CYLD: variants seen among roughly 807,000 people sequenced by gnomAD.
CYLD encodes CYLD lysine 63 deubiquitinase, also known as ubiquitin carboxyl-terminal hydrolase CYLD.
A neutral mutation model predicts 104.5 loss-of-function variants in CYLD; 26 were observed. The observed-to-expected ratio is 0.25, with a 90% CI of 0.18 to 0.35. The LOEUF (loss-of-function observed/expected upper bound fraction) is 0.35, where lower values mean the gene tolerates loss of function less well. Ranked by LOEUF, CYLD falls within the 10% of genes least tolerant of loss-of-function variation. CYLD has a pLI of 1.00. For missense variants in CYLD, 703 were observed against 1,136.1 expected (o/e 0.62, Z 5.48); for synonymous variants, 385 against 399.9 (o/e 0.96, Z 0.45).
At chr16:50,777,062 T>G (rs75337140) in intron 7 of CYLD, among the ~76,000 whole-genome samples, 2,582 of 152,238 alleles carry the variant, frequency 0.017, 41 homozygotes, top group Non-Finnish European at 0.024. Context: ...AGAAACAGAC[T>G]AAAGATTTTC....
chr16:50,743,819 CT>C (rs1241102294), intron 2 of CYLD, among the ~76,000 whole-genome samples: 1 of 152,094 alleles, frequency 6.6e-6, no homozygotes, highest in African/African-American at 2.4e-5. Context: ...GTATTTGTTT[CT>C]TCTTATATGT....
rs1186294606 is a variant in CYLD at position 50,794,576 on chromosome 16, G to T, written c.2686+148G>T. On this transcript the variant is annotated intron_variant, in intron 18 of 18. Transcript: ENST00000427738. The surrounding 1 kb of genome is among the most constrained non-coding windows in gnomAD (Gnocchi z 4.1). ...TGACAACAGTCTTATATCTTGGATT[G>T]CATTAACAACCTTGCTAGCTGAACT... The T allele has an allele frequency of 5.0e-6, 4 of 797,890 alleles. No individual in the cohort carries two copies. The allele number at this position is 797,890 out of a possible 1,614,324, so 49.4% of individuals were successfully genotyped here. A position where few individuals can be genotyped will look rare whatever the true frequency, so the allele number is the denominator to read the frequency against.
At chr16:50,786,637 G>A in intron 12 of CYLD, 2 of 486,874 alleles carry the variant, frequency 4.1e-6, no homozygotes, top group East Asian at 3.7e-5. Flanking sequence ...GTGCACGCCT[G>A]TAATTCCAGC....
rs1179067934 is a variant in CYLD at position 50,798,494 on chromosome 16, G to A, written c.*1986G>A. The A allele has an allele frequency of 4.3e-6, 1 of 231,904 alleles. No individual in the cohort carries two copies. The highest frequency in any genetic ancestry group is 5.7e-5 in the Admixed American group (1 of 17,686). The allele number at this position is 231,904 out of a possible 1,614,324, so 14.4% of individuals were successfully genotyped here. A position where few individuals can be genotyped will look rare whatever the true frequency, so the allele number is the denominator to read the frequency against. ...TGTGTGTCAGTTATATGCAAATTCT[G>A]TACCATTTTGTATCAGGGAATTGAG... On this transcript the variant is annotated 3_prime_UTR_variant, in exon 19 of 19. Coordinates refer to ENST00000427738, the MANE Select transcript of CYLD (RefSeq NM_001378743.1).
chr16:50,754,461 CTTTATTT>C, intron 5 of CYLD, 37 bp downstream of exon 5: 1 of 1,386,746 alleles, frequency 7.2e-7, no homozygotes, highest in Non-Finnish European at 1.0e-6. Flanking sequence ...ATAAGGCAAA[CTTTATTT>C]TTTAATTTTT....
rs778428895 is a variant in CYLD, at chr16:50,775,146, T to C, written c.914-20T>C. On this transcript the variant is annotated intron_variant, in intron 5 of 18. Coordinates refer to ENST00000427738, the MANE Select transcript of CYLD (RefSeq NM_001378743.1). ...GTCCTCAAATCCACTGTGGGTGATA[T>C]CGTTTTTGCTGACACACAGCTTTAT... 1.3e-6 allele frequency: 2 copies of C among 1,595,060 alleles called. No individual in the cohort carries two copies. The highest frequency in any genetic ancestry group is 2.2e-5 in the East Asian group (1 of 44,788).
chr16:50,777,707 A>T, intron 7 of CYLD, 118 bp from the exon 8 acceptor site: 1 of 678,776 alleles, frequency 1.5e-6, no homozygotes, highest in Admixed American at 2.3e-5. Flanking sequence ...GTTTATATAC[A>T]TTTATTGGTT....
chr16:50,784,953 T>A (rs879313195), intron 12 of CYLD: 1 of 155,372 alleles, frequency 6.4e-6, no homozygotes, highest in Non-Finnish European at 1.4e-5. Context: ...GTTAAAGGAA[T>A]ATATTTGGCC....
In CYLD at chr16:50,776,109, T is replaced by G; in HGVS notation, c.923-70T>G. On this transcript the variant is annotated intron_variant, in intron 6 of 18. Coordinates refer to ENST00000427738, the MANE Select transcript of CYLD (RefSeq NM_001378743.1). ...TGGAAAGAGGGTTTTTTTATTTTGT[T>G]ACTGTCATTCCTTGTTTCTCTTCTA... is the stretch of plus-strand genomic sequence containing the variant. 3 of 1,120,208 alleles carry G rather than the reference T, an allele frequency of 2.7e-6. No homozygotes were observed. In the Admixed American group the frequency reaches 5.3e-5, roughly 20 times the overall value. The allele number at this position is 1,120,208 out of a possible 1,614,324, so 69.4% of individuals were successfully genotyped here.
At chr16:50,752,867 G>A (rs1465380938) in intron 4 of CYLD, among the ~76,000 whole-genome samples, 2 of 152,096 alleles carry the variant, frequency 1.3e-5, no homozygotes, top group Non-Finnish European at 2.9e-5. Context: ...TTATACCTGT[G>A]GCACTGAAAG....
At position 50,801,446 on chromosome 16, in the gene CYLD, A is replaced by G. The variant is rs1972455099; in HGVS notation, c.*4938A>G. 4.3e-6 allele frequency: 1 copy of G among 233,792 alleles called. No homozygotes were observed. The highest frequency in any genetic ancestry group is 1.8e-4 in the South Asian group (1 of 5,532). The allele number at this position is 233,792 out of a possible 1,614,324, so 14.5% of individuals were successfully genotyped here. A position where few individuals can be genotyped will look rare whatever the true frequency, so the allele number is the denominator to read the frequency against. On this transcript the variant is annotated 3_prime_UTR_variant, in exon 19 of 19. Transcript: ENST00000427738. ...TGGAGGGATTGTCCTTTCAAGCACC[A>G]CAGCTTCAGATAAAATTAGTACTTT...
chr16:50,750,055 A>G lies in CYLD; in HGVS notation c.357A>G (p.Leu119=), dbSNP rs766661461. The change falls in exon 3 of 19, where the codon CTA becomes CTG. Residue 119 remains leucine, a synonymous_variant. Transcript: ENST00000427738. The part of the protein sequence containing the change: ...RFSLFKNRNR[L]SKGLQIDVGC... ...GCCTGTTTAAAAACAGAAACAGACT[A>G]AGTAAAGGCCTCCAAATAGACGTGG... is the stretch of plus-strand genomic sequence containing the variant. The G allele has an allele frequency of 6.2e-7, 1 of 1,614,146 alleles. No individual in the cohort carries two copies. The highest frequency in any genetic ancestry group is 8.5e-7 in the Non-Finnish European group (1 of 1,180,000).
intron 14 of CYLD, among the ~76,000 whole-genome samples, chr16:50,788,545 ATGGG>A (rs1368812427): frequency 6.6e-6 from 1 of 152,074 alleles, no homozygotes; most frequent in Non-Finnish European, 1.5e-5. Flanking sequence ...TGTTGAACTG[ATGGG>A]TGAGGAGAAT....
chr16:50,756,979 C>T (rs1967317963), intron 5 of CYLD, among the ~76,000 whole-genome samples: 2 of 152,144 alleles, frequency 1.3e-5, no homozygotes, highest in African/African-American at 4.8e-5. Flanking sequence ...CATAGAAAAC[C>T]ATACTTCTCA....
Position 50,749,785 on chromosome 16 carries a change from C to T in CYLD, c.87C>T (p.Ser29=), listed in dbSNP as rs34564491. ...RIFYLLLQEC[S]VTDKQTQKLL... ...TTTACTTGCTTCTTCAAGAATGCAG[C>T]GTTACAGACAAACAAACACAAAAGC... Residue 29 remains serine, a synonymous_variant, in exon 3 of 19, where the codon AGC becomes AGT. Transcript: ENST00000427738. 3,313 of 1,613,752 alleles carry T rather than the reference C, an allele frequency of 2.1e-3. 66 individuals are homozygous for T. In the African/African-American group the frequency reaches 0.039, roughly 19 times the overall value.
intron 3 of CYLD, among the ~76,000 whole-genome samples, chr16:50,751,352 A>T (rs967728185): frequency 6.6e-6 from 1 of 152,232 alleles, no homozygotes; most frequent in Admixed American, 6.5e-5. Context: ...CACAACGTGG[A>T]ATTCAGCCTA....
At chr16:50,783,155 C>T (rs544774163) in intron 11 of CYLD, among the ~76,000 whole-genome samples, 3 of 152,078 alleles carry the variant, frequency 2.0e-5, no homozygotes, top group East Asian at 1.9e-4. Context: ...TGGTCTCGAA[C>T]GTCTCACCTC....
chr16:50,747,634 A>G (rs1328321150), intron 2 of CYLD, among the ~76,000 whole-genome samples: 2 of 152,214 alleles, frequency 1.3e-5, no homozygotes, highest in East Asian at 3.8e-4. Flanking sequence ...GAGGGGTTGG[A>G]TAGCTGTTTG....
chr16:50,786,783 A>G, intron 12 of CYLD, 72 bp from the exon 13 acceptor site: 1 of 1,144,996 alleles, frequency 8.7e-7, no homozygotes, highest in Non-Finnish European at 1.3e-6. Flanking sequence ...AGAAAAAAAG[A>G]AATATGTGAT....
Sources: gnomAD v4.1 joint callset for allele counts (sites outside exome capture counted in the v4.1 genomes callset) on GRCh38, gnomAD v4.1.1 for gene constraint, Gnocchi (gnomAD v3.1) non-coding constraint, MANE v1.5 for transcripts, NCBI Gene and HGNC (gene_info 2026-07-23, HGNC 2026-07-21) for gene names.